USF3: variants seen among roughly 807,000 people sequenced by gnomAD.
The protein encoded by USF3 is basic helix-loop-helix domain-containing protein USF3.
A neutral mutation model predicts 157.5 loss-of-function variants in USF3; 29 were observed. That is an observed-to-expected ratio of 0.18 (90% CI 0.14 to 0.25). The LOEUF is 0.25. Ranked by LOEUF, USF3 falls within the 10% of genes least tolerant of loss-of-function variation. The pLI is 1.00. For missense variants in USF3, 2,381 were observed against 2,667.6 expected (o/e 0.89, Z 2.37); for synonymous variants, 893 against 941.4 (o/e 0.95, Z 0.94).
Position 113,661,137 on chromosome 3 carries a change from T to C in USF3, c.545A>G (p.Asn182Ser), listed in dbSNP as rs191929169. 41 of 1,614,140 alleles carry C rather than the reference T, an allele frequency of 2.5e-5. No homozygotes were observed. Among genetic ancestry groups the C allele is most frequent in the Middle Eastern group, 1.6e-4 (1 of 6,062 alleles). The change falls in exon 7 of 7, where the codon AAT becomes AGT. Residue 182 changes from asparagine (N) to serine (S), a missense_variant. Physicochemically the swap from Asn to Ser is conservative, Grantham distance 46. Coordinates refer to ENST00000316407, the MANE Select transcript of USF3 (RefSeq NM_001009899.4). ...VSHNLQKQTANVVPVQRTCNL... is the reference protein window; with the variant it reads ...VSHNLQKQTASVVPVQRTCNL... The stretch of plus-strand genomic sequence containing the variant: ...GCAAGTCCTCTGTACTGGCACCACA[T>C]TGGCGGTCTGCTTTTGTAAATTATG...
rs750212312 is a variant in USF3 at position 113,657,338 on chromosome 3, T to C, written c.4344A>G (p.Gln1448=). ...GGTTACTATGAAGGTGAGATACACCTTGAGCTGGAACATGCTGCTGCAGGG... is the reference window on the plus strand; with the variant it reads ...GGTTACTATGAAGGTGAGATACACCCTGAGCTGGAACATGCTGCTGCAGGG... ...LQALQQHVPA[Q]GVSHLHSNHL... Residue 1448 remains glutamine (Q), a synonymous_variant, in exon 7 of 7, where the codon CAA becomes CAG. Transcript: ENST00000316407. The C allele has an allele frequency of 6.8e-6, 11 of 1,613,644 alleles. No homozygotes were observed. The highest frequency in any genetic ancestry group is 1.3e-5 in the African/African-American group (1 of 74,872).
chr3:113,658,288 T>C lies in USF3; in HGVS notation c.3394A>G (p.Ile1132Val), dbSNP rs950830330. The C allele has an allele frequency of 4.3e-6, 7 of 1,614,070 alleles. No homozygotes were observed. Among genetic ancestry groups the C allele is most frequent in the Non-Finnish European group, 5.9e-6 (7 of 1,180,034 alleles). The change falls in exon 7 of 7, where the codon ATA becomes GTA. Residue 1132 changes from isoleucine (I) to valine (V), a missense_variant. By Grantham distance (29) the Ile-to-Val change is conservative (BLOSUM62 3). Around this residue, in one of 6 missense-constraint regions of USF3, gnomAD observed 1,435 missense variants for 1,550.9 expected, o/e 0.93. Coordinates refer to ENST00000316407, the MANE Select transcript of USF3 (RefSeq NM_001009899.4). The stretch of plus-strand genomic sequence containing the variant: ...ATAGCTCTTGCTGCAAGAGCTACTA[T>C]ATCAGTTTGCTCTACAAAGGTACAG... ...DSCTFVEQTD[I>V]VALAARAIFD...
At chr3:113,691,166 G>A (rs1435567557) in intron 1 of USF3, among the ~76,000 whole-genome samples, 1 of 152,182 alleles carries the variant, frequency 6.6e-6, no homozygotes, top group Middle Eastern at 3.2e-3. Flanking sequence ...TCCAGCCTGG[G>A]AGACAGAGTG....
rs1482091812 is a variant in USF3, at chr3:113,650,309, A to C, written c.*4635T>G. 3.2e-5 allele frequency: 5 copies of C among 158,408 alleles called. No individual in the cohort carries two copies. Among genetic ancestry groups the C allele is most frequent in the African/African-American group, 1.2e-4 (5 of 41,512 alleles). 9.8% of individuals were successfully genotyped at this position (158,408 alleles called of 1,614,324 possible). A position where few individuals can be genotyped will look rare whatever the true frequency, so the allele number is the denominator to read the frequency against. The stretch of plus-strand genomic sequence containing the variant: ...ATTCTGAACTAATTTTGTTTCAAGA[A>C]ATTATTGTTGCTTTTTAAGAGAATA... On this transcript the variant is annotated 3_prime_UTR_variant, in exon 7 of 7. Coordinates refer to ENST00000316407, the MANE Select transcript of USF3 (RefSeq NM_001009899.4).
intron 1 of USF3, among the ~76,000 whole-genome samples, chr3:113,678,573 C>T (rs1707335439): frequency 6.6e-6 from 1 of 151,854 alleles, no homozygotes; most frequent in East Asian, 1.9e-4. Context: ...ACTAAAATTG[C>T]ATTCCTGATG....
At chr3:113,670,293 A>T (rs1206481217) in intron 4 of USF3, 90 bp from the exon 5 acceptor site, 6 of 775,228 alleles carry the variant, frequency 7.7e-6, no homozygotes, top group Non-Finnish European at 1.2e-5. Context: ...TAGGTAAAGA[A>T]ATCCCTAAGA....
At position 113,660,131 on chromosome 3, in the gene USF3, A is replaced by C; in HGVS notation, c.1551T>G (p.Ser517=). 1.2e-6 allele frequency: 2 copies of C among 1,614,174 alleles called. No homozygotes were observed. The highest frequency in any genetic ancestry group is 1.7e-6 in the Non-Finnish European group (2 of 1,180,034). ...GTGGAAGGATATTTTTGGGAGGCTG[A>C]GATTTAACTTGTGGCTGGGCAATTA... ...QPLIAQPQVK[S]QPPKNILPLN... Residue 517 remains serine (S), a synonymous_variant, in exon 7 of 7, where the codon TCT becomes TCG. Transcript: ENST00000316407.
intron 1 of USF3, among the ~76,000 whole-genome samples, chr3:113,693,974 T>C (rs1423027119): frequency 6.6e-6 from 1 of 152,232 alleles, no homozygotes; most frequent in Non-Finnish European, 1.5e-5. Context: ...CGTAGTCTCA[T>C]GGGAGTTCTC....
intron 2 of USF3, among the ~76,000 whole-genome samples, chr3:113,675,382 TTCAC>T (rs1309195370): frequency 2.6e-5 from 4 of 152,228 alleles, no homozygotes; most frequent in African/African-American, 4.8e-5. Flanking sequence ...CAAGCATTCA[TTCAC>T]TCACTCATTT....
At chr3:113,679,875 A>G (rs1707369523) in intron 1 of USF3, among the ~76,000 whole-genome samples, 1 of 151,972 alleles carries the variant, frequency 6.6e-6, no homozygotes, top group South Asian at 2.1e-4. Context: ...AAATTCATCT[A>G]GTAGTTTGTT....
chr3:113,655,440 G>C lies in USF3; in HGVS notation c.6242C>G (p.Ala2081Gly). 6.2e-7 allele frequency: 1 copy of C among 1,614,138 alleles called. No individual in the cohort carries two copies. Among genetic ancestry groups the C allele is most frequent in the Non-Finnish European group, 8.5e-7 (1 of 1,180,024 alleles). The part of the protein sequence containing the change: ...GGMNPPINAN[A>G]SFIPQVTQPS... ...CTGAGTAACCTGTGGAATGAAAGAA[G>C]CATTAGCATTTATTGGTGGATTCAT... Residue 2081 changes from alanine (A) to glycine (G), a missense_variant, in exon 7 of 7, where the codon GCT becomes GGT. Physicochemically the swap from Ala to Gly is moderately conservative, Grantham distance 60. Transcript: ENST00000316407.
intron 4 of USF3, among the ~76,000 whole-genome samples, chr3:113,670,430 C>G (rs1482349532): frequency 6.6e-6 from 1 of 152,160 alleles, no homozygotes; most frequent in Admixed American, 6.5e-5. Context: ...AAAACCCCAT[C>G]TCTACTAAAA....
In USF3 at chr3:113,649,881, T is replaced by C; in HGVS notation, c.*5063A>G. 1 of 702,110 alleles carries C rather than the reference T, an allele frequency of 1.4e-6. No homozygotes were observed. Among genetic ancestry groups the C allele is most frequent in the South Asian group, 1.5e-5 (1 of 67,348 alleles). 43.5% of individuals were successfully genotyped at this position (702,110 alleles called of 1,614,324 possible). On this transcript the variant is annotated 3_prime_UTR_variant, in exon 7 of 7. Coordinates refer to ENST00000316407, the MANE Select transcript of USF3 (RefSeq NM_001009899.4). The stretch of plus-strand genomic sequence containing the variant: ...CATGAAGAATAGAATGCAGACAGAA[T>C]ATAGTTAAATCCAAAAAAGGCCCTT...
At chr3:113,668,187 A>T (rs1947599746) in intron 5 of USF3, among the ~76,000 whole-genome samples, 2 of 152,066 alleles carry the variant, frequency 1.3e-5, no homozygotes, top group Admixed American at 1.3e-4. Flanking sequence ...TCCTGCCCAA[A>T]CCGCAGGAGA....
Position 113,655,576 on chromosome 3 carries a change from T to A in USF3, c.6106A>T (p.Ser2036Cys), listed in dbSNP as rs1947340207. The change falls in exon 7 of 7, where the codon AGT becomes TGT. Residue 2036 changes from serine to cysteine, a missense_variant. This residue lies in a region of USF3 where 770 missense variants were observed against 824.2 expected (regional missense o/e 0.93). Coordinates refer to ENST00000316407, the MANE Select transcript of USF3 (RefSeq NM_001009899.4). Reference sequence around the variant, plus strand: ...CTATCAGGCATGAAACGAACAATACTTCCTCTCTTCTCTGTGGCAGGTTGT... The same window carrying A: ...CTATCAGGCATGAAACGAACAATACATCCTCTCTTCTCTGTGGCAGGTTGT... ...RQQPATEKRG[S>C]IVRFMPDSPQ... 7 of 1,614,198 alleles carry A rather than the reference T, an allele frequency of 4.3e-6. No homozygotes were observed. In the East Asian group the frequency reaches 1.6e-4, roughly 36 times the overall value.
intron 6 of USF3, 106 bp downstream of exon 6, chr3:113,664,207 G>T: frequency 1.5e-6 from 1 of 657,684 alleles, no homozygotes; most frequent in Non-Finnish European, 2.6e-6. Flanking sequence ...TCTTAATAAT[G>T]TTTTGGGGCC....
In USF3 at chr3:113,670,110, A is replaced by G. The variant is rs1707113503; in HGVS notation, c.159+11T>C. The stretch of plus-strand genomic sequence containing the variant: ...ATAAGTAATGAATGAAGATATGAGT[A>G]GACTTCTTACCTGCTTCAGGGCAGG... On this transcript the variant is annotated intron_variant, in intron 5 of 6. Transcript: ENST00000316407. 1.3e-6 allele frequency: 2 copies of G among 1,573,788 alleles called. No individual in the cohort carries two copies. The highest frequency in any genetic ancestry group is 1.7e-6 in the Non-Finnish European group (2 of 1,143,222).
chr3:113,683,305 T>TTTTTAATCTATAAAAACTATTATCTAGC (rs1172429746), intron 1 of USF3, among the ~76,000 whole-genome samples: 2 of 152,052 alleles, frequency 1.3e-5, no homozygotes, highest in Non-Finnish European at 1.5e-5. Flanking sequence ...TATTATCTAG[T>TTTTTAATCTATAAAAACTATTATCTAGC]TTTTAATCTA....
At chr3:113,681,728 T>TA (rs1456085909) in intron 1 of USF3, among the ~76,000 whole-genome samples, 1 of 151,414 alleles carries the variant, frequency 6.6e-6, no homozygotes, top group Non-Finnish European at 1.5e-5. Context: ...AAAAAAATTT[T>TA]TTTTTTTTTG....
Sources: allele counts gnomAD v4.1 joint callset (sites outside exome capture counted in the v4.1 genomes callset), GRCh38; gene constraint gnomAD v4.1.1; regional missense constraint gnomAD v4.1.1; transcripts MANE v1.5; gene names NCBI Gene and HGNC (gene_info 2026-07-23, HGNC 2026-07-21).